The following SZRD1 variants were observed in gnomAD, a reference collection of about 807,000 sequenced individuals.
The protein encoded by SZRD1 is SUZ RNA-binding domain-containing.
Under a neutral mutation model 17.6 loss-of-function variants are expected in SZRD1, and 7 were observed. The ratio of observed to expected loss-of-function variants is 0.40; its 90% confidence interval spans 0.23 to 0.75. The LOEUF is 0.75. Among genes scored for constraint, SZRD1 ranks in the 30% least tolerant of loss-of-function variants. The pLI is 0.38. For synonymous variants in SZRD1, 77 were observed against 77.9 expected (o/e 0.99, Z 0.06); for missense variants, 178 against 201.8 (o/e 0.88, Z 0.71).
chr1:16,374,071 T>C (rs1041582450), intron 1 of SZRD1, among the ~76,000 whole-genome samples: 1 of 152,142 alleles, frequency 6.6e-6, no homozygotes, highest in Non-Finnish European at 1.5e-5. Context: ...AAAAAGGCTA[T>C]GGGTAGTGGG....
chr1:16,367,655 C>G, intron 1 of SZRD1: 1 of 352,064 alleles, frequency 2.8e-6, no homozygotes, highest in Non-Finnish European at 5.2e-6. Flanking sequence ...CCCGAGGCAC[C>G]ATTTTAAAGT....
At chr1:16,379,150 C>T (rs1208339859) in intron 1 of SZRD1, among the ~76,000 whole-genome samples, 2 of 151,728 alleles carry the variant, frequency 1.3e-5, no homozygotes, top group Admixed American at 1.3e-4. Flanking sequence ...GATGGAGTCT[C>T]GCTCTGTCGC....
chr1:16,371,316 A>G (rs1267525649), intron 1 of SZRD1, among the ~76,000 whole-genome samples: 3 of 150,428 alleles, frequency 2.0e-5, no homozygotes, highest in South Asian at 4.2e-4. Flanking sequence ...TCAGCCTCCC[A>G]AGGTGCTGGG....
At chr1:16,387,642 G>A (rs1277894486) in intron 1 of SZRD1, 2 of 456,546 alleles carry the variant, frequency 4.4e-6, no homozygotes, top group Non-Finnish European at 8.8e-6. Flanking sequence ...AAGGCATTTG[G>A]TCTCAACCCT....
rs2085317287 is a variant in SZRD1 at position 16,396,685 on chromosome 1, G to A, written c.*1545G>A. On this transcript the variant is annotated 3_prime_UTR_variant, in exon 4 of 4. Transcript: ENST00000401088. ...TGGTTGGTGTGGTTTTTGTGATGAG[G>A]GCAGCACGTGGTGGCCAAGGTGGCA... is the stretch of plus-strand genomic sequence containing the variant. The A allele has an allele frequency of 1.3e-5, 2 of 152,438 alleles. No individual in the cohort carries two copies. The highest frequency in any genetic ancestry group is 6.5e-5 in the Admixed American group (1 of 15,286). The allele number at this position is 152,438 out of a possible 1,614,324, so 9.4% of individuals were successfully genotyped here. A position where few individuals can be genotyped will look rare whatever the true frequency, so the allele number is the denominator to read the frequency against.
intron 1 of SZRD1, among the ~76,000 whole-genome samples, chr1:16,380,118 TAAAGA>T (rs1259084114): frequency 6.6e-6 from 1 of 151,998 alleles, no homozygotes; most frequent in African/African-American, 2.4e-5. Context: ...TACCACTCAG[TAAAGA>T]AAAGTAAAAC....
chr1:16,374,162 G>C (rs114656976), intron 1 of SZRD1, among the ~76,000 whole-genome samples: 342 of 152,290 alleles, frequency 2.2e-3, no homozygotes, highest in African/African-American at 7.8e-3. Flanking sequence ...AGGCATTTAA[G>C]ATTTGTGGTA....
chr1:16,378,283 TTC>T (rs1266898231), intron 1 of SZRD1, among the ~76,000 whole-genome samples: 6 of 136,230 alleles, frequency 4.4e-5, no homozygotes, highest in East Asian at 2.7e-4. Context: ...GTTTGGCAAC[TTC>T]TTTTTTTTTT....
At chr1:16,374,427 C>G (rs895649570) in intron 1 of SZRD1, among the ~76,000 whole-genome samples, 1 of 152,002 alleles carries the variant, frequency 6.6e-6, no homozygotes, top group Non-Finnish European at 1.5e-5. Flanking sequence ...GCCCTTTTTT[C>G]ATTGGCTGCA....
At chr1:16,373,873 G>T (rs2082953591) in intron 1 of SZRD1, among the ~76,000 whole-genome samples, 1 of 152,142 alleles carries the variant, frequency 6.6e-6, no homozygotes, top group Non-Finnish European at 1.5e-5. Flanking sequence ...GGAGTGCTGG[G>T]ATTGCAGGCG....
intron 3 of SZRD1, 118 bp from the exon 4 acceptor site, chr1:16,394,920 A>G: frequency 1.5e-6 from 1 of 656,658 alleles, no homozygotes; most frequent in Non-Finnish European, 2.7e-6. Context: ...GTGCCACTGC[A>G]CTCCAATCTA....
intron 1 of SZRD1, among the ~76,000 whole-genome samples, chr1:16,380,173 A>G (rs1037260088): frequency 6.6e-6 from 1 of 152,210 alleles, no homozygotes; most frequent in Non-Finnish European, 1.5e-5. Flanking sequence ...TGGAATTGCC[A>G]TCTTACAAAA....
chr1:16,369,279 T>C (rs58218942), intron 1 of SZRD1: 210 of 653,672 alleles, frequency 3.2e-4, no homozygotes, highest in East Asian at 3.2e-3. Context: ...TGGTGAGATA[T>C]TTGAAATACC....
chr1:16,374,639 G>A (rs888224730), intron 1 of SZRD1, among the ~76,000 whole-genome samples: 1 of 152,086 alleles, frequency 6.6e-6, no homozygotes, highest in Non-Finnish European at 1.5e-5. Flanking sequence ...AACATTCCAG[G>A]GGCCAGCCCT....
intron 1 of SZRD1, among the ~76,000 whole-genome samples, chr1:16,385,219 G>GTAC (rs2083168707): frequency 1.3e-5 from 2 of 152,218 alleles, no homozygotes; most frequent in South Asian, 4.1e-4. Context: ...GAGTAGGACA[G>GTAC]TACAGTCTTT....
chr1:16,372,823 T>C (rs761619172), intron 1 of SZRD1, among the ~76,000 whole-genome samples: 3 of 152,104 alleles, frequency 2.0e-5, no homozygotes, highest in Non-Finnish European at 2.9e-5. Context: ...TAAATAACTA[T>C]TGCATACCAG....
intron 1 of SZRD1, chr1:16,387,067 CAGAA>C: frequency 6.3e-6 from 2 of 318,604 alleles, no homozygotes; most frequent in Non-Finnish European, 1.2e-5. Context: ...CTGGTGTGAG[CAGAA>C]AATGAATGTC....
intron 1 of SZRD1, among the ~76,000 whole-genome samples, chr1:16,383,853 C>T (rs1368370745): frequency 2.0e-5 from 3 of 152,042 alleles, no homozygotes; most frequent in Non-Finnish European, 2.9e-5. Flanking sequence ...CTCCTGACCT[C>T]GTGATCCGCC....
At chr1:16,377,742 A>G (rs1166101826) in intron 1 of SZRD1, among the ~76,000 whole-genome samples, 1 of 152,166 alleles carries the variant, frequency 6.6e-6, no homozygotes. Context: ...AACTGAATTA[A>G]TAGAATTTGC....
Sources: allele counts gnomAD v4.1 joint callset (sites outside exome capture counted in the v4.1 genomes callset), GRCh38; gene constraint gnomAD v4.1.1; transcripts MANE v1.5; gene names NCBI Gene and HGNC (gene_info 2026-07-23, HGNC 2026-07-21).